PCDH15: variants seen among roughly 807,000 people sequenced by gnomAD.
PCDH15 encodes the protein protocadherin related 15.
PCDH15 carries 129 observed loss-of-function variants against 178.5 expected under a neutral mutation model. The observed-to-expected ratio is 0.72, with a 90% CI of 0.63 to 0.84. The LOEUF (loss-of-function observed/expected upper bound fraction) is 0.84, where lower values mean the gene tolerates loss of function less well. Among genes scored for constraint, PCDH15 ranks in the 40% least tolerant of loss-of-function variants. The probability of loss-of-function intolerance (pLI) is 0.00; values close to 1 mark genes in which losing one functional copy is unlikely to be tolerated. For missense variants in PCDH15, 2,230 were observed against 2,099.9 expected, an observed-to-expected ratio of 1.06 and a Z score of -1.21; for synonymous variants, 800 against 732.0, an observed-to-expected ratio of 1.09 and a Z score of -1.50.
chr10:55,064,590 T>G (rs916580715), intron 2 of PCDH15, among the ~76,000 whole-genome samples: 1 of 152,074 alleles, frequency 6.6e-6, no homozygotes, highest in Non-Finnish European at 1.5e-5. Context: ...TATAACTTTT[T>G]TTTTCACTGA....
At chr10:53,983,419 CT>C (rs992131168) in intron 21 of PCDH15, among the ~76,000 whole-genome samples, 1 of 150,692 alleles carries the variant, frequency 6.6e-6, no homozygotes, top group East Asian at 1.9e-4. Context: ...AAGTCCTGTG[CT>C]TTTTTTACTT....
chr10:55,438,689 G>C (rs1203218623), intron 2 of PCDH15, among the ~76,000 whole-genome samples: 1 of 151,794 alleles, frequency 6.6e-6, no homozygotes, highest in Admixed American at 6.6e-5. Context: ...AAACGGAAAA[G>C]AAATAGAAAT....
chr10:54,825,481 G>A (rs1218491606), intron 3 of PCDH15, among the ~76,000 whole-genome samples: 139 of 148,140 alleles, frequency 9.4e-4, no homozygotes, highest in African/African-American at 3.4e-3. Context: ...CTAGTTTACA[G>A]TCCCACCAAC....
chr10:55,036,286 C>T (rs1010627949), intron 2 of PCDH15, among the ~76,000 whole-genome samples: 19 of 152,270 alleles, frequency 1.2e-4, no homozygotes, highest in Non-Finnish European at 2.5e-4. Context: ...CTGTTAATTA[C>T]AAATTACCTA....
intron 2 of PCDH15, among the ~76,000 whole-genome samples, chr10:55,072,126 AT>A: frequency 6.6e-6 from 1 of 152,298 alleles, no homozygotes; most frequent in East Asian, 1.9e-4. Flanking sequence ...ATAGCACTAA[AT>A]GCCCACAAGA....
At chr10:55,482,757 C>A (rs1211136339) in intron 2 of PCDH15, among the ~76,000 whole-genome samples, 3 of 151,596 alleles carry the variant, frequency 2.0e-5, no homozygotes, top group Non-Finnish European at 3.0e-5. Flanking sequence ...ACATTTTTTT[C>A]TTTCATTTCA....
chr10:55,351,072 C>T (rs1248143862), intron 2 of PCDH15, among the ~76,000 whole-genome samples: 1 of 132,812 alleles, frequency 7.5e-6, no homozygotes, highest in African/African-American at 2.8e-5. Context: ...CTGCTGCCTC[C>T]TCCTCCTCCT....
At chr10:54,101,837 T>A (rs992532773) in intron 15 of PCDH15, among the ~76,000 whole-genome samples, 2 of 151,824 alleles carry the variant, frequency 1.3e-5, no homozygotes, top group East Asian at 3.9e-4. Context: ...TAGCTGTGTG[T>A]GGTGTTGTGC....
chr10:54,834,751 C>T (rs180974012), intron 3 of PCDH15, among the ~76,000 whole-genome samples: 2 of 152,234 alleles, frequency 1.3e-5, no homozygotes, highest in East Asian at 3.9e-4. Flanking sequence ...TAATGACCCA[C>T]AATTATTGAA....
At chr10:53,918,707 TACACAAACACACACAC>T (rs1327231016) in intron 25 of PCDH15, among the ~76,000 whole-genome samples, 2 of 124,120 alleles carry the variant, frequency 1.6e-5, no homozygotes, top group African/African-American at 6.2e-5. Flanking sequence ...TTAATGCAAA[TACACAAACACACACAC>T]ACACACACAC....
chr10:54,587,260 A>T (rs2091541026), intron 2 of PCDH15, among the ~76,000 whole-genome samples: 1 of 152,206 alleles, frequency 6.6e-6, no homozygotes, highest in Admixed American at 6.6e-5. Flanking sequence ...ATTGATAAAC[A>T]CAAGTGCCAT....
intron 2 of PCDH15, among the ~76,000 whole-genome samples, chr10:54,973,491 C>T (rs1464628472): frequency 2.0e-5 from 3 of 152,178 alleles, no homozygotes; most frequent in Admixed American, 2.0e-4. Flanking sequence ...GTGCAGTTAG[C>T]TCTTAAGGGC....
rs78325881 is a variant in PCDH15 at position 54,366,715 on chromosome 10, G to T, written c.474+2405C>A. On this transcript the variant is annotated intron_variant, in intron 5 of 37. Transcript: ENST00000644397. Reference sequence around the variant, plus strand: ...TGCTATTTCAAGCTTTAAATGCACTGTTTTTTTTTTCAAGAAAGTAAATAT... The same window carrying T: ...TGCTATTTCAAGCTTTAAATGCACTTTTTTTTTTTTCAAGAAAGTAAATAT... Among the ~76,000 whole-genome samples, 17 of 145,492 alleles carry T rather than the reference G, an allele frequency of 1.2e-4. No homozygotes were observed. The East Asian group carries it at 2.8e-3, about 24-fold the overall frequency.
intron 3 of PCDH15, among the ~76,000 whole-genome samples, chr10:54,501,816 A>C (rs1392671413): frequency 6.6e-6 from 1 of 152,088 alleles, no homozygotes; most frequent in Admixed American, 6.6e-5. Flanking sequence ...GTAATATTCT[A>C]TACATATTAG....
intron 3 of PCDH15, among the ~76,000 whole-genome samples, chr10:54,860,878 AG>A (rs1162987325): frequency 1.3e-5 from 2 of 152,170 alleles, no homozygotes; most frequent in Non-Finnish European, 2.9e-5. Flanking sequence ...TGAGTGTCCT[AG>A]GCGATCATTA....
chr10:55,392,906 C>A (rs1837830781), intron 2 of PCDH15, among the ~76,000 whole-genome samples: 1 of 151,636 alleles, frequency 6.6e-6, no homozygotes, highest in South Asian at 2.1e-4. Flanking sequence ...GTCCTCTCAA[C>A]AATTAAAATT....
intron 8 of PCDH15, among the ~76,000 whole-genome samples, chr10:54,280,668 G>A (rs547302367): frequency 9.2e-5 from 14 of 151,550 alleles, no homozygotes; most frequent in Non-Finnish European, 1.3e-4. Context: ...CTGTACATTC[G>A]TATTCTCTAA....
intron 1 of PCDH15, among the ~76,000 whole-genome samples, chr10:55,243,552 TG>T (rs1841609048): frequency 1.3e-5 from 2 of 152,174 alleles, no homozygotes; most frequent in Admixed American, 1.3e-4. Flanking sequence ...TCTCCTGGAG[TG>T]GGTTCTTACC....
In PCDH15 at chr10:55,438,765, C is replaced by T. The variant is rs148175866; in HGVS notation, c.-156+188860G>A. Reference sequence around the variant, plus strand: ...CATATATTGAAGACTGGAAATAGAACAAAATTAATATTTTTGTTCTATTAA... The same window carrying T: ...CATATATTGAAGACTGGAAATAGAATAAAATTAATATTTTTGTTCTATTAA... On this transcript the variant is annotated intron_variant, in intron 2 of 5. Coordinates refer to the PCDH15 transcript ENST00000613346. 3.9e-4 allele frequency among the ~76,000 whole-genome samples: 59 copies of T among 151,716 alleles called. No homozygotes were observed. In the East Asian group the frequency reaches 5.8e-3, roughly 15 times the overall value.
Sources: allele counts gnomAD v4.1 joint callset (sites outside exome capture counted in the v4.1 genomes callset), GRCh38; gene constraint gnomAD v4.1.1; transcripts MANE v1.5; gene names NCBI Gene and HGNC (gene_info 2026-07-23, HGNC 2026-07-21).